Variants in USP14 observed in about 807,000 individuals in gnomAD.
USP14 encodes ubiquitin specific peptidase 14.
USP14 carries 38 observed loss-of-function variants against 76.5 expected under a neutral mutation model. That is an observed-to-expected ratio of 0.50 (90% CI 0.38 to 0.65). The LOEUF is 0.65. Ranked by LOEUF, USP14 falls within the 30% of genes least tolerant of loss-of-function variation. The pLI is 0.00. For missense variants in USP14, 467 were observed against 586.5 expected (o/e 0.80, Z 2.10); for synonymous variants, 192 against 191.7 (o/e 1.00, Z -0.01).
Position 158,704 on chromosome 18 carries a change from G to A in USP14, c.6G>A (p.Pro2=), listed in dbSNP as rs1194047760. M[P]LYSVTVKWGK... ...GCCTCCCGCCGCGCCCCGCCATGCC[G>A]CTCTACTCCGGTGAGCCCTGTCCTG... The change falls in exon 1 of 16, where the codon CCG becomes CCA. Residue 2 remains proline (P), a synonymous_variant. Transcript: ENST00000261601. The A allele has an allele frequency of 1.3e-6, 2 of 1,535,694 alleles. No individual in the cohort carries two copies. The highest frequency in any genetic ancestry group is 1.7e-6 in the Non-Finnish European group (2 of 1,150,940).
chr18:167,512 G>A (rs970530231), intron 3 of USP14, among the ~76,000 whole-genome samples: 1 of 151,798 alleles, frequency 6.6e-6, no homozygotes, highest in Non-Finnish European at 1.5e-5. Flanking sequence ...TTTTGCATGA[G>A]TGGTTTTTTT....
chr18:172,567 G>A (rs1444750322), intron 3 of USP14, among the ~76,000 whole-genome samples: 2 of 152,186 alleles, frequency 1.3e-5, no homozygotes, highest in Admixed American at 6.5e-5. Context: ...AAGTCAGTCA[G>A]CGTGGCAGGT....
intron 1 of USP14, among the ~76,000 whole-genome samples, chr18:160,102 G>A (rs894489923): frequency 1.3e-5 from 2 of 152,112 alleles, no homozygotes; most frequent in Admixed American, 6.6e-5. Flanking sequence ...TCAGGAGTTC[G>A]AGACCGCCTG....
chr18:178,989 CA>C lies in USP14; in HGVS notation c.256del (p.Thr86LeufsTer4). ...ATGCTCTTCCAGAAGAACCCTCAGC[CA>C]AAACTGTCTTCGTAGAAGACATGAC... ...ADALPEEPSA[K>X]TVFVEDMTEE... On this transcript the variant is annotated frameshift_variant, in exon 4 of 16. Transcript: ENST00000261601. LOFTEE classifies it high-confidence loss of function. The C allele has an allele frequency of 6.2e-7, 1 of 1,613,280 alleles. No homozygotes were observed. Among genetic ancestry groups the C allele is most frequent in the Non-Finnish European group, 8.5e-7 (1 of 1,179,672 alleles).
intron 5 of USP14, among the ~76,000 whole-genome samples, chr18:187,849 T>C (rs1460933500): frequency 2.0e-5 from 3 of 152,214 alleles, no homozygotes; most frequent in African/African-American, 7.2e-5. Context: ...CACATTTATT[T>C]ACCCTGAAAA....
At chr18:193,608 A>G (rs1204866752) in intron 6 of USP14, among the ~76,000 whole-genome samples, 1 of 152,158 alleles carries the variant, frequency 6.6e-6, no homozygotes, top group Non-Finnish European at 1.5e-5. Flanking sequence ...TCCCATTTCT[A>G]GCCCTACCCA....
At chr18:185,635 A>G (rs1041073889) in intron 5 of USP14, among the ~76,000 whole-genome samples, 3 of 151,926 alleles carry the variant, frequency 2.0e-5, no homozygotes, top group Non-Finnish European at 4.4e-5. Flanking sequence ...ACACTACTTA[A>G]ATTATTTTCT....
Position 158,684 on chromosome 18 carries a change from C to T in USP14, c.-15C>T, listed in dbSNP as rs1909021302. 14 of 1,525,794 alleles carry T rather than the reference C, an allele frequency of 9.2e-6. No individual in the cohort carries two copies. Among genetic ancestry groups the T allele is most frequent in the Non-Finnish European group, 1.1e-5 (13 of 1,144,662 alleles). 94.5% of individuals were successfully genotyped at this position (1,525,794 alleles called of 1,614,324 possible). A position where few individuals can be genotyped will look rare whatever the true frequency, so the allele number is the denominator to read the frequency against. Reference sequence around the variant, plus strand: ...CCCAGCTCTCCTGCGCCGCCGCCTCCCGCCGCGCCCCGCCATGCCGCTCTA... The same window carrying T: ...CCCAGCTCTCCTGCGCCGCCGCCTCTCGCCGCGCCCCGCCATGCCGCTCTA... On this transcript the variant is annotated 5_prime_UTR_variant, in exon 1 of 16. Transcript: ENST00000261601.
rs964903212 is a variant in USP14 at position 180,456 on chromosome 18, C to T, written c.404+117C>T. 1.4e-5 allele frequency: 9 copies of T among 661,846 alleles called. No individual in the cohort carries two copies. In the Admixed American group the frequency reaches 1.8e-4, roughly 13 times the overall value. The allele number at this position is 661,846 out of a possible 1,614,324, so 41.0% of individuals were successfully genotyped here. A position where few individuals can be genotyped will look rare whatever the true frequency, so the allele number is the denominator to read the frequency against. On this transcript the variant is annotated intron_variant, in intron 5 of 15. Transcript: ENST00000261601. ...ATAATTAATTTATTATACAATTCAGCATTTTAAAGTGTTTAATGCTTTTTA... is the reference window on the plus strand; with the variant it reads ...ATAATTAATTTATTATACAATTCAGTATTTTAAAGTGTTTAATGCTTTTTA...
At position 198,030 on chromosome 18, in the gene USP14, T is replaced by C. The variant is rs556391309; in HGVS notation, c.676-17T>C. 1.3e-6 allele frequency: 2 copies of C among 1,595,034 alleles called. No individual in the cohort carries two copies. The highest frequency in any genetic ancestry group is 1.7e-6 in the Non-Finnish European group (2 of 1,171,290). On this transcript the variant is annotated splice_polypyrimidine_tract_variant and intron_variant, in intron 8 of 15. Coordinates refer to ENST00000261601, the MANE Select transcript of USP14 (RefSeq NM_005151.4). Reference sequence around the variant, plus strand: ...AATATTTATATAAAGTTGGAATTTTTATTTTAATTTTTGCAGACAGACTCC... The same window carrying C: ...AATATTTATATAAAGTTGGAATTTTCATTTTAATTTTTGCAGACAGACTCC...
intron 13 of USP14, among the ~76,000 whole-genome samples, chr18:209,183 T>G (rs1388299248): frequency 6.6e-6 from 1 of 152,112 alleles, no homozygotes; most frequent in Non-Finnish European, 1.5e-5. Flanking sequence ...TTTTACTTTA[T>G]GTTTTTAAAT....
At chr18:167,754 G>A (rs145556263) in intron 3 of USP14, among the ~76,000 whole-genome samples, 95 of 152,080 alleles carry the variant, frequency 6.2e-4, no homozygotes, top group African/African-American at 2.2e-3. Context: ...GGGCTCAAGC[G>A]ATCCTCCTGC....
rs1410555390 is a variant in USP14 at position 213,854 on chromosome 18, G to A, written c.*2570G>A. 2 of 152,204 alleles carry A rather than the reference G, an allele frequency of 1.3e-5. No individual in the cohort carries two copies. Among genetic ancestry groups the A allele is most frequent in the African/African-American group, 4.8e-5 (2 of 41,442 alleles). The allele number at this position is 152,204 out of a possible 1,614,324, so 9.4% of individuals were successfully genotyped here. ...TGAATGTCACAAGAATCCCTGAAGT[G>A]ATTAAAAGTCTTGAGAGGTCAGGCA... On this transcript the variant is annotated 3_prime_UTR_variant, in exon 16 of 16. Transcript: ENST00000261601.
At chr18:175,131 T>C (rs1030582429) in intron 3 of USP14, among the ~76,000 whole-genome samples, 8 of 152,212 alleles carry the variant, frequency 5.3e-5, no homozygotes, top group African/African-American at 1.9e-4. Flanking sequence ...ATAAAGTTAA[T>C]TTTTATAATT....
In USP14 at chr18:198,039, T is replaced by A; in HGVS notation, c.676-8T>A. 1 of 1,598,598 alleles carries A rather than the reference T, an allele frequency of 6.3e-7. No individual in the cohort carries two copies. Among genetic ancestry groups the A allele is most frequent in the South Asian group, 1.1e-5 (1 of 88,110 alleles). ...ATAAAGTTGGAATTTTTATTTTAATTTTTGCAGACAGACTCCTCATCTGCA... is the reference window on the plus strand; with the variant it reads ...ATAAAGTTGGAATTTTTATTTTAATATTTGCAGACAGACTCCTCATCTGCA... On this transcript the variant is annotated splice_region_variant and splice_polypyrimidine_tract_variant and intron_variant, in intron 8 of 15. Coordinates refer to ENST00000261601, the MANE Select transcript of USP14 (RefSeq NM_005151.4).
chr18:188,094 T>C (rs1461978958), intron 5 of USP14, among the ~76,000 whole-genome samples: 1 of 152,162 alleles, frequency 6.6e-6, no homozygotes, highest in Non-Finnish European at 1.5e-5. Flanking sequence ...TGTTTTTGAT[T>C]TTAATAGGAC....
Position 158,698 on chromosome 18 carries a change from C to G in USP14, c.-1C>G, listed in dbSNP as rs1273648056. 49 of 1,535,622 alleles carry G rather than the reference C, an allele frequency of 3.2e-5. No individual in the cohort carries two copies. Among genetic ancestry groups the G allele is most frequent in the Non-Finnish European group, 4.3e-5 (49 of 1,150,712 alleles). ...GCCGCCGCCTCCCGCCGCGCCCCGC[C>G]ATGCCGCTCTACTCCGGTGAGCCCT... On this transcript the variant is annotated 5_prime_UTR_variant, in exon 1 of 16. Transcript: ENST00000261601.
At chr18:189,623 C>G (rs964675893) in intron 5 of USP14, among the ~76,000 whole-genome samples, 1 of 152,054 alleles carries the variant, frequency 6.6e-6, no homozygotes, top group African/African-American at 2.4e-5. Context: ...GCTGGGACTA[C>G]AGGCGCGTGT....
intron 2 of USP14, among the ~76,000 whole-genome samples, chr18:165,711 T>G (rs868849378): frequency 6.6e-6 from 1 of 152,214 alleles, no homozygotes; most frequent in Admixed American, 6.5e-5. Flanking sequence ...AGATCTGTGT[T>G]CACTTCCCAG....
Sources: allele counts gnomAD v4.1 joint callset (sites outside exome capture counted in the v4.1 genomes callset), GRCh38; gene constraint gnomAD v4.1.1; transcripts MANE v1.5; gene names NCBI Gene and HGNC (gene_info 2026-07-23, HGNC 2026-07-21).